Variants in NLGN4X observed in about 807,000 individuals in gnomAD.
NLGN4X encodes the protein neuroligin 4 X-linked, also known as neuroligin-4, X-linked.
In NLGN4X, 3 loss-of-function variants were observed where a neutral mutation model predicts 40.3. The ratio of observed to expected loss-of-function variants is 0.07; its 90% confidence interval spans 0.03 to 0.19. The LOEUF is 0.19. NLGN4X is among the 10% of genes least tolerant of loss of function. The pLI is 1.00. For synonymous variants in NLGN4X, 270 were observed against 306.8 expected (o/e 0.88, Z 1.25); for missense variants, 382 against 708.3 (o/e 0.54, Z 5.23).
At chrX:6,224,038 C>T (rs1194621224) in intron 1 of NLGN4X, among the ~76,000 whole-genome samples, 1 of 112,492 alleles carries the variant, frequency 8.9e-6, no homozygotes, top group African/African-American at 3.2e-5. Context: ...AAACTAAAAT[C>T]GTGTCTCTTA....
At chrX:6,182,284 A>T (rs1569286028) in intron 1 of NLGN4X, among the ~76,000 whole-genome samples, 1 of 111,878 alleles carries the variant, frequency 8.9e-6, no homozygotes, top group African/African-American at 3.2e-5. Flanking sequence ...ACAATGTACA[A>T]TGGGATTCCC....
intron 3 of NLGN4X, among the ~76,000 whole-genome samples, chrX:5,972,864 A>G (rs909829579): frequency 1.8e-5 from 2 of 111,634 alleles, no homozygotes; most frequent in Non-Finnish European, 3.8e-5. Flanking sequence ...AATGTTTTTA[A>G]GAGTAACTGT....
chrX:6,136,729 A>G, intron 2 of NLGN4X, among the ~76,000 whole-genome samples: 1 of 112,318 alleles, frequency 8.9e-6, no homozygotes, highest in Non-Finnish European at 1.9e-5. Flanking sequence ...AACAAATCCA[A>G]TGTCCTGCCT....
intron 3 of NLGN4X, among the ~76,000 whole-genome samples, chrX:6,004,889 T>C (rs775253844): frequency 9.0e-4 from 101 of 111,965 alleles, no homozygotes; most frequent in Non-Finnish European, 1.7e-3. Context: ...TGACAGAATG[T>C]TGCTGTTTAG....
intron 2 of NLGN4X, among the ~76,000 whole-genome samples, chrX:6,142,121 T>C (rs1281830498): frequency 1.8e-5 from 2 of 112,331 alleles, no homozygotes; most frequent in Non-Finnish European, 3.8e-5. Flanking sequence ...CTGTATTTGT[T>C]CAAATTATGA....
intron 4 of NLGN4X, among the ~76,000 whole-genome samples, chrX:5,906,962 C>T (rs188147565): frequency 9.0e-6 from 1 of 110,794 alleles, no homozygotes; most frequent in African/African-American, 3.3e-5. Context: ...CGCCTGTAAT[C>T]CCAGCAACTC....
intron 3 of NLGN4X, among the ~76,000 whole-genome samples, chrX:5,996,243 TTGCAGA>T: frequency 8.9e-6 from 1 of 112,372 alleles, no homozygotes; most frequent in South Asian, 3.7e-4. Flanking sequence ...TCCAGAGCCT[TTGCAGA>T]ATCTCAGCCT....
chrX:5,985,250 T>C (rs1040456314), intron 3 of NLGN4X, among the ~76,000 whole-genome samples: 1 of 110,326 alleles, frequency 9.1e-6, no homozygotes, highest in Non-Finnish European at 1.9e-5. Flanking sequence ...TGGAGTAATG[T>C]TATTTGTCTT....
intron 1 of NLGN4X, among the ~76,000 whole-genome samples, chrX:6,215,175 C>T (rs1375102197): frequency 4.5e-5 from 5 of 112,323 alleles, no homozygotes; most frequent in Non-Finnish European, 9.4e-5. Context: ...ATTTTGTAAG[C>T]TTGTCATGAA....
Position 6,151,459 on chromosome X carries a change from C to T in NLGN4X, c.8G>A (p.Arg3Gln), listed in dbSNP as rs139587269. 4.1e-6 allele frequency: 5 copies of T among 1,206,092 alleles called. No individual in the cohort carries two copies. Among genetic ancestry groups the T allele is most frequent in the Non-Finnish European group, 5.6e-6 (5 of 892,198 alleles). Residue 3 changes from arginine to glutamine, a missense_variant, in exon 2 of 6, where the codon CGG becomes CAG. Physicochemically the swap from Arg to Gln is conservative, Grantham distance 43. This residue lies in a region of NLGN4X where 115 missense variants were observed against 149.6 expected (regional missense o/e 0.77). Coordinates refer to ENST00000381095, the MANE Select transcript of NLGN4X (RefSeq NM_181332.3). ...AGGAAGCCATAGCAGTCCCTGGGGC[C>T]GTGACATGGTTCAAATCTGCATCCA... MS[R>Q]PQGLLWLPLL...
At chrX:5,913,264 T>C (rs1191160731) in intron 3 of NLGN4X, among the ~76,000 whole-genome samples, 7 of 111,499 alleles carry the variant, frequency 6.3e-5, no homozygotes, top group Non-Finnish European at 9.4e-5. Context: ...CCTGCAAACC[T>C]AAACCACTGG....
At chrX:6,046,820 ACT>A (rs780218920) in intron 2 of NLGN4X, among the ~76,000 whole-genome samples, 156 of 104,957 alleles carry the variant, frequency 1.5e-3, no homozygotes, top group Admixed American at 3.5e-3. Flanking sequence ...ATATACACAC[ACT>A]GTTACAATCA....
intron 3 of NLGN4X, among the ~76,000 whole-genome samples, chrX:5,949,363 G>C (rs768855726): frequency 8.9e-6 from 1 of 111,735 alleles, no homozygotes; most frequent in South Asian, 3.8e-4. Flanking sequence ...ACAGACTGCT[G>C]TGATCAGTTG....
At chrX:6,089,703 C>T (rs183300959) in intron 2 of NLGN4X, among the ~76,000 whole-genome samples, 1 of 112,203 alleles carries the variant, frequency 8.9e-6, no homozygotes, top group African/African-American at 3.2e-5. Flanking sequence ...GTCATTCTAT[C>T]ATTCTCATAG....
At chrX:6,102,843 T>C (rs901380383) in intron 2 of NLGN4X, among the ~76,000 whole-genome samples, 1 of 109,935 alleles carries the variant, frequency 9.1e-6, no homozygotes, top group Non-Finnish European at 1.9e-5. Context: ...GAGAGAGGGG[T>C]AGATAGATTA....
intron 5 of NLGN4X, among the ~76,000 whole-genome samples, chrX:5,897,974 T>C (rs1160336205): frequency 2.1e-5 from 2 of 96,663 alleles, no homozygotes; most frequent in Non-Finnish European, 4.1e-5. Context: ...CCTCCCTTCT[T>C]CCTCTCCTCC....
intron 2 of NLGN4X, among the ~76,000 whole-genome samples, chrX:6,050,288 T>C (rs918693911): frequency 8.9e-6 from 1 of 111,821 alleles, no homozygotes; most frequent in African/African-American, 3.2e-5. Flanking sequence ...TAGAGATGGA[T>C]TGATACATAG....
At chrX:5,921,419 G>C (rs946234380) in intron 3 of NLGN4X, among the ~76,000 whole-genome samples, 1 of 106,282 alleles carries the variant, frequency 9.4e-6, no homozygotes, top group Non-Finnish European at 1.9e-5. Context: ...GAGAGAGAGA[G>C]AGAGAGAGAG....
At chrX:6,161,830 AT>A (rs2040407512) in intron 1 of NLGN4X, among the ~76,000 whole-genome samples, 1 of 110,844 alleles carries the variant, frequency 9.0e-6, no homozygotes, top group African/African-American at 3.3e-5. Context: ...GGATATATAC[AT>A]TTTTTGAGGT....
Sources: allele counts gnomAD v4.1 joint callset (sites outside exome capture counted in the v4.1 genomes callset), GRCh38; gene constraint gnomAD v4.1.1; regional missense constraint gnomAD v4.1.1; transcripts MANE v1.5; gene names NCBI Gene and HGNC (gene_info 2026-07-23, HGNC 2026-07-21).